Variants in TBC1D22B observed in about 807,000 individuals in gnomAD.
The protein encoded by TBC1D22B is chromosome 6 open reading frame 197.
In TBC1D22B, 32 loss-of-function variants were observed where a neutral mutation model predicts 69.1. The ratio of observed to expected loss-of-function variants is 0.46; its 90% CI spans 0.35 to 0.62. The LOEUF (loss-of-function observed/expected upper bound fraction) is 0.62, where lower values mean the gene tolerates loss of function less well. Among genes scored for constraint, TBC1D22B ranks in the 20% least tolerant of loss-of-function variants. The pLI, the probability that TBC1D22B is intolerant of heterozygous loss-of-function variation, is 0.00. For synonymous variants in TBC1D22B, 206 were observed against 229.8 expected (o/e 0.90, Z 0.94); for missense variants, 462 against 630.9 (o/e 0.73, Z 2.87).
chr6:37,279,743 G>A (rs1339397037), intron 3 of TBC1D22B, 132 bp downstream of exon 3: 2 of 990,372 alleles, frequency 2.0e-6, no homozygotes, highest in East Asian at 2.6e-5. Context: ...AGCCTGAGAT[G>A]TGACATCATT....
Position 37,296,876 on chromosome 6 carries a change from G to A in TBC1D22B, c.982+5519G>A, listed in dbSNP as rs190430252. ...CAGTCTCACTCTGTCGCCCAGACTG[G>A]AGTGCAGTGGCACGATCTCAGCTCA... On this transcript the variant is annotated intron_variant, in intron 8 of 12. Coordinates refer to ENST00000373491, the MANE Select transcript of TBC1D22B (RefSeq NM_017772.4). Among the ~76,000 whole-genome samples the A allele has an allele frequency of 5.2e-3, 783 of 151,734 alleles. 10 individuals are homozygous for A. Among genetic ancestry groups the A allele is most frequent in the African/African-American group, 0.017 (718 of 41,358 alleles).
At chr6:37,259,872 C>T (rs993892922) in intron 1 of TBC1D22B, among the ~76,000 whole-genome samples, 2 of 152,152 alleles carry the variant, frequency 1.3e-5, no homozygotes, top group African/African-American at 4.8e-5. Context: ...TTGTAAAGAG[C>T]CTAGGACAGT....
chr6:37,273,767 A>G (rs550361508), intron 2 of TBC1D22B, among the ~76,000 whole-genome samples: 7 of 152,264 alleles, frequency 4.6e-5, no homozygotes, highest in Admixed American at 1.3e-4. Context: ...TCTGCACCAG[A>G]CCATTTTACA....
rs555801070 is a variant in TBC1D22B, at chr6:37,292,374, T to C, written c.982+1017T>C. Reference sequence around the variant, plus strand: ...GGCCTATCCTATCCAGGTTTTGCGATGGGGCTCAAAGGGATGATGAGGTCT... The same window carrying C: ...GGCCTATCCTATCCAGGTTTTGCGACGGGGCTCAAAGGGATGATGAGGTCT... On this transcript the variant is annotated intron_variant, in intron 8 of 12. Coordinates refer to ENST00000373491, the MANE Select transcript of TBC1D22B (RefSeq NM_017772.4). 3.3e-5 allele frequency among the ~76,000 whole-genome samples: 5 copies of C among 152,250 alleles called. No homozygotes were observed. In the East Asian group the frequency reaches 9.6e-4, roughly 29 times the overall value.
chr6:37,260,315 CTCT>C (rs1482310533), intron 1 of TBC1D22B, among the ~76,000 whole-genome samples: 2 of 152,190 alleles, frequency 1.3e-5, no homozygotes, highest in African/African-American at 4.8e-5. Flanking sequence ...AACTAGTTTA[CTCT>C]TCTTTGCAAA....
At chr6:37,328,801 A>G (rs994224623) in intron 12 of TBC1D22B, among the ~76,000 whole-genome samples, 7 of 152,048 alleles carry the variant, frequency 4.6e-5, no homozygotes, top group African/African-American at 1.4e-4. Flanking sequence ...ATCTCGGCTC[A>G]CTGCAACCTC....
intron 8 of TBC1D22B, among the ~76,000 whole-genome samples, chr6:37,292,297 A>G (rs539637644): frequency 3.9e-5 from 6 of 152,302 alleles, no homozygotes; most frequent in African/African-American, 1.4e-4. Context: ...GTAATGAGAA[A>G]TGGGTGAGAG....
rs554306650 is a variant in TBC1D22B at position 37,320,584 on chromosome 6, A to T, written c.1389+3378A>T. Among the ~76,000 whole-genome samples the T allele has an allele frequency of 2.0e-5, 3 of 152,318 alleles. No individual in the cohort carries two copies. The East Asian group carries it at 5.8e-4, about 29-fold the overall frequency. ...GTTTTTAACATAATGAGTAAACCAT[A>T]CAAGGTTCATACTGAGGGAAACTGG... is the stretch of plus-strand genomic sequence containing the variant. On this transcript the variant is annotated intron_variant, in intron 12 of 12. Coordinates refer to ENST00000373491, the MANE Select transcript of TBC1D22B (RefSeq NM_017772.4).
chr6:37,299,521 A>G (rs545710835), intron 8 of TBC1D22B, among the ~76,000 whole-genome samples: 7 of 152,366 alleles, frequency 4.6e-5, no homozygotes, highest in Non-Finnish European at 8.8e-5. Context: ...ACAAGTATTT[A>G]TTAAGCTGTT....
At chr6:37,259,740 G>A (rs539534603) in intron 1 of TBC1D22B, among the ~76,000 whole-genome samples, 1 of 152,144 alleles carries the variant, frequency 6.6e-6, no homozygotes, top group African/African-American at 2.4e-5. Context: ...TTACTATTTG[G>A]GCTCTGTTGT....
chr6:37,275,059 T>G (rs1204267410), intron 2 of TBC1D22B, among the ~76,000 whole-genome samples: 1 of 151,328 alleles, frequency 6.6e-6, no homozygotes, highest in African/African-American at 2.4e-5. Context: ...TTAATAATAA[T>G]AATAATAAAT....
chr6:37,300,322 TGA>T (rs1379202680), intron 8 of TBC1D22B, among the ~76,000 whole-genome samples: 1 of 151,612 alleles, frequency 6.6e-6, no homozygotes, highest in African/African-American at 2.4e-5. Flanking sequence ...TTAGATTTTT[TGA>T]GTTTATAAAG....
intron 6 of TBC1D22B, among the ~76,000 whole-genome samples, chr6:37,286,321 C>CT (rs34349373): frequency 0.64 from 93,545 of 145,742 alleles, 29,975 homozygotes; most frequent in East Asian, 0.84. Context: ...ATTTCCATTT[C>CT]TTTTTTTTTT....
chr6:37,274,382 T>C (rs746950835), intron 2 of TBC1D22B, among the ~76,000 whole-genome samples: 2 of 152,242 alleles, frequency 1.3e-5, no homozygotes, highest in Non-Finnish European at 2.9e-5. Flanking sequence ...GTGTAACCTG[T>C]GGCCACTCTT....
chr6:37,284,801 A>G (rs1321355361), intron 6 of TBC1D22B, among the ~76,000 whole-genome samples: 1 of 152,194 alleles, frequency 6.6e-6, no homozygotes, highest in African/African-American at 2.4e-5. Context: ...TGAAGTTCTG[A>G]TGTGCTCCCT....
intron 8 of TBC1D22B, among the ~76,000 whole-genome samples, chr6:37,304,167 A>T (rs1041004405): frequency 6.6e-6 from 1 of 152,174 alleles, no homozygotes; most frequent in African/African-American, 2.4e-5. Flanking sequence ...CCCCTAAGGG[A>T]TGGAGGTGGA....
chr6:37,274,632 A>G (rs1766604785), intron 2 of TBC1D22B, among the ~76,000 whole-genome samples: 1 of 152,224 alleles, frequency 6.6e-6, no homozygotes, highest in Non-Finnish European at 1.5e-5. Context: ...ATTTGTGAGG[A>G]TTGCATGAGG....
intron 2 of TBC1D22B, 130 bp from the exon 3 acceptor site, chr6:37,279,174 A>G (rs553015029): frequency 1.0e-5 from 9 of 857,876 alleles, no homozygotes; most frequent in Non-Finnish European, 1.6e-5. Flanking sequence ...GATGTGGGCA[A>G]TTTTTGTTTG....
In TBC1D22B at chr6:37,282,866, T is replaced by A; in HGVS notation, c.602-16T>A. ...TTGTGGAGAGTTAACCTAACAAGGC[T>A]GTTTTCTATTTACAGATGAACTGAG... On this transcript the variant is annotated splice_polypyrimidine_tract_variant and intron_variant, in intron 4 of 12. Transcript: ENST00000373491. The A allele has an allele frequency of 6.2e-7, 1 of 1,613,958 alleles. No individual in the cohort carries two copies. The highest frequency in any genetic ancestry group is 1.1e-5 in the South Asian group (1 of 91,080).
Sources: allele counts gnomAD v4.1 joint callset (sites outside exome capture counted in the v4.1 genomes callset), GRCh38; gene constraint gnomAD v4.1.1; transcripts MANE v1.5; gene names NCBI Gene and HGNC (gene_info 2026-07-23, HGNC 2026-07-21).